CDH18: variants seen among roughly 807,000 people sequenced by gnomAD.
CDH18 encodes cadherin 18.
CDH18 carries 31 observed loss-of-function variants against 67.9 expected under a neutral mutation model. That is an observed-to-expected ratio of 0.46 (90% confidence interval 0.34 to 0.62). The LOEUF (loss-of-function observed/expected upper bound fraction) is 0.62. CDH18 is among the 20% of genes least tolerant of loss of function. The probability of loss-of-function intolerance (pLI) is 0.01; values close to 1 mark genes in which losing one functional copy is unlikely to be tolerated. For missense variants in CDH18, 890 were observed against 975.5 expected, an observed-to-expected ratio of 0.91 and a Z score of 1.17; for synonymous variants, 362 against 347.2, an observed-to-expected ratio of 1.04 and a Z score of -0.48.
At chr5:20,126,951 G>C (rs1748884239) in intron 2 of CDH18, among the ~76,000 whole-genome samples, 1 of 152,064 alleles carries the variant, frequency 6.6e-6, no homozygotes, top group Non-Finnish European at 1.5e-5. Context: ...TTCACTTCTA[G>C]GTATTTATCC....
chr5:20,099,403 G>A (rs1746264569), intron 2 of CDH18, among the ~76,000 whole-genome samples: 1 of 152,156 alleles, frequency 6.6e-6, no homozygotes, highest in Non-Finnish European at 1.5e-5. Context: ...CTAGAGTCAT[G>A]TTGATACAAC....
At chr5:19,803,540 T>TA (rs2149858911) in intron 3 of CDH18, among the ~76,000 whole-genome samples, 1 of 152,314 alleles carries the variant, frequency 6.6e-6, no homozygotes, top group African/African-American at 2.4e-5. Flanking sequence ...ACTGCACAGT[T>TA]ATGTTGGCCA....
At chr5:19,778,584 C>G (rs1774684373) in intron 3 of CDH18, among the ~76,000 whole-genome samples, 1 of 152,052 alleles carries the variant, frequency 6.6e-6, no homozygotes, top group Non-Finnish European at 1.5e-5. Context: ...AAAGATAGAC[C>G]TACTACATAA....
chr5:20,234,710 C>A (rs1357414652), intron 2 of CDH18, among the ~76,000 whole-genome samples: 1 of 151,966 alleles, frequency 6.6e-6, no homozygotes, highest in Non-Finnish European at 1.5e-5. Flanking sequence ...AAATTAAACA[C>A]ACACAAAAAC....
intron 1 of CDH18, among the ~76,000 whole-genome samples, chr5:20,447,571 CCT>C (rs1750098349): frequency 6.6e-6 from 1 of 152,178 alleles, no homozygotes; most frequent in African/African-American, 2.4e-5. Context: ...CAGAAATATG[CCT>C]CTGTTTTCTA....
At chr5:20,157,123 G>A (rs892270422) in intron 2 of CDH18, among the ~76,000 whole-genome samples, 10 of 152,142 alleles carry the variant, frequency 6.6e-5, no homozygotes. Flanking sequence ...CAGAAAGATG[G>A]TATGAGATTT....
intron 1 of CDH18, among the ~76,000 whole-genome samples, chr5:20,559,881 G>A (rs1394075728): frequency 6.6e-6 from 1 of 152,090 alleles, no homozygotes; most frequent in Non-Finnish European, 1.5e-5. Flanking sequence ...ATTAATTAGG[G>A]AGATGTGCAG....
intron 1 of CDH18, among the ~76,000 whole-genome samples, chr5:20,257,993 G>C (rs1265319302): frequency 7.3e-6 from 1 of 136,106 alleles, no homozygotes; most frequent in Non-Finnish European, 1.6e-5. Context: ...ATATAGGTCA[G>C]TACTTCAAAA....
chr5:20,233,639 C>CGT (rs201524098), intron 2 of CDH18, among the ~76,000 whole-genome samples: 14 of 151,738 alleles, frequency 9.2e-5, no homozygotes, highest in Non-Finnish European at 1.5e-4. Context: ...CACAGACATG[C>CGT]GTGTGTGTGT....
chr5:19,838,714 C>T, intron 3 of CDH18, 45 bp downstream of exon 3: 2 of 1,352,186 alleles, frequency 1.5e-6, no homozygotes, highest in South Asian at 1.2e-5. Context: ...TCTTACCCCA[C>T]AATTTCTCAG....
chr5:19,641,865 C>G (rs964654121), intron 5 of CDH18, among the ~76,000 whole-genome samples: 5 of 151,764 alleles, frequency 3.3e-5, no homozygotes, highest in Admixed American at 3.3e-4. Context: ...AAAAGGTACC[C>G]AAATTGGAAA....
chr5:19,655,914 G>C (rs1046006664), intron 5 of CDH18, among the ~76,000 whole-genome samples: 1 of 149,826 alleles, frequency 6.7e-6, no homozygotes, highest in Admixed American at 6.7e-5. Flanking sequence ...TTGGGATTAA[G>C]ATGAAAGCAA....
intron 1 of CDH18, among the ~76,000 whole-genome samples, chr5:20,378,506 C>T (rs1743650218): frequency 6.6e-6 from 1 of 152,068 alleles, no homozygotes; most frequent in South Asian, 2.1e-4. Flanking sequence ...ATCTTCGTTT[C>T]CTTTTTACAC....
intron 2 of CDH18, among the ~76,000 whole-genome samples, chr5:20,020,201 T>C (rs531667405): frequency 3.9e-5 from 6 of 152,258 alleles, no homozygotes; most frequent in African/African-American, 1.4e-4. Context: ...GAACAAGATA[T>C]AATCTTAACT....
intron 2 of CDH18, among the ~76,000 whole-genome samples, chr5:20,170,847 T>A (rs1736645887): frequency 6.6e-6 from 1 of 151,986 alleles, no homozygotes; most frequent in South Asian, 2.1e-4. Context: ...TCTGCTCCTC[T>A]CCCTCCTCCC....
At chr5:19,973,955 T>C (rs1056259925) in intron 2 of CDH18, among the ~76,000 whole-genome samples, 2 of 152,132 alleles carry the variant, frequency 1.3e-5, no homozygotes, top group Non-Finnish European at 1.5e-5. Context: ...CTGATTGTCA[T>C]ATGAATATAT....
At chr5:20,193,762 C>A (rs1053947389) in intron 2 of CDH18, among the ~76,000 whole-genome samples, 1 of 152,058 alleles carries the variant, frequency 6.6e-6, no homozygotes, top group Non-Finnish European at 1.5e-5. Flanking sequence ...ATGATCAAGT[C>A]AGCTTCATTC....
intron 2 of CDH18, among the ~76,000 whole-genome samples, chr5:19,879,420 G>GA: frequency 6.6e-6 from 1 of 151,756 alleles, no homozygotes; most frequent in Middle Eastern, 3.4e-3. Flanking sequence ...ATGAAAAGGG[G>GA]AAAAAAAGAC....
chr5:20,394,953 T>A (rs1006002283), intron 1 of CDH18, among the ~76,000 whole-genome samples: 1 of 151,956 alleles, frequency 6.6e-6, no homozygotes, highest in Non-Finnish European at 1.5e-5. Flanking sequence ...AATATAGGCA[T>A]GGATGTGGTG....
Sources: gnomAD v4.1 joint callset for allele counts (sites outside exome capture counted in the v4.1 genomes callset) on GRCh38, gnomAD v4.1.1 for gene constraint, MANE v1.5 for transcripts, NCBI Gene and HGNC (gene_info 2026-07-23, HGNC 2026-07-21) for gene names.